Variants in TRIM9 observed in about 807,000 individuals in gnomAD.
TRIM9 encodes the protein tripartite motif containing 9, also known as E3 ubiquitin-protein ligase TRIM9.
TRIM9 carries 26 observed loss-of-function variants against 78.3 expected under a neutral mutation model. That is an observed-to-expected ratio of 0.33 (90% CI 0.24 to 0.46). The LOEUF (loss-of-function observed/expected upper bound fraction) is 0.46, where lower values mean the gene tolerates loss of function less well. Among genes scored for constraint, TRIM9 ranks in the 20% least tolerant of loss-of-function variants. The pLI is 1.00. For synonymous variants in TRIM9, 398 were observed against 416.5 expected (o/e 0.96, Z 0.54); for missense variants, 787 against 1,036.4 (o/e 0.76, Z 3.30).
intron 7 of TRIM9, among the ~76,000 whole-genome samples, chr14:50,994,634 T>C (rs139447018): frequency 5.3e-5 from 8 of 152,338 alleles, no homozygotes; most frequent in African/African-American, 1.9e-4. Flanking sequence ...CAGCCCTGTA[T>C]GATTTTTTAA....
chr14:51,033,180 C>G (rs1336312236), intron 1 of TRIM9, among the ~76,000 whole-genome samples: 1 of 152,168 alleles, frequency 6.6e-6, no homozygotes, highest in East Asian at 1.9e-4. Context: ...ACCTCCACCT[C>G]CCGGGTTCAA....
rs566668873 is a variant in TRIM9 at position 51,082,322 on chromosome 14, T to C, written c.822+11796A>G. ...TATATGAATGTTCATAACAGCATTA[T>C]TAGTAATAGCCAAAAAGTGGAAGTA... is the stretch of plus-strand genomic sequence containing the variant. On this transcript the variant is annotated intron_variant, in intron 1 of 12. Coordinates refer to ENST00000684578, the MANE Select transcript of TRIM9 (RefSeq NM_001387360.1). Among the ~76,000 whole-genome samples, 192 of 152,312 alleles carry C rather than the reference T, an allele frequency of 1.3e-3. 1 individual carries two copies. Among genetic ancestry groups the C allele is most frequent in the African/African-American group, 4.4e-3 (182 of 41,560 alleles).
At chr14:50,988,636 C>T (rs1460269985) in intron 7 of TRIM9, among the ~76,000 whole-genome samples, 1 of 149,296 alleles carries the variant, frequency 6.7e-6, no homozygotes, top group Non-Finnish European at 1.5e-5. Flanking sequence ...ACCAGCTGGG[C>T]TTTTACCGTA....
chr14:51,043,663 GAT>G (rs915853586), intron 1 of TRIM9, among the ~76,000 whole-genome samples: 3 of 152,158 alleles, frequency 2.0e-5, no homozygotes, highest in Non-Finnish European at 2.9e-5. Flanking sequence ...CTTTCTATGG[GAT>G]ATGCACAGAG....
intron 1 of TRIM9, among the ~76,000 whole-genome samples, chr14:51,066,876 A>C (rs1197596353): frequency 6.6e-6 from 1 of 152,218 alleles, no homozygotes; most frequent in East Asian, 1.9e-4. Flanking sequence ...AGACTTAGCT[A>C]TTTATTACAA....
At chr14:51,008,029 A>G (rs2056063599) in intron 5 of TRIM9, among the ~76,000 whole-genome samples, 1 of 152,224 alleles carries the variant, frequency 6.6e-6, no homozygotes, top group African/African-American at 2.4e-5. Context: ...GTCATTTACT[A>G]TATGGATGCT....
At chr14:51,062,938 G>A (rs377665073) in intron 1 of TRIM9, among the ~76,000 whole-genome samples, 24 of 152,274 alleles carry the variant, frequency 1.6e-4, no homozygotes, top group East Asian at 1.4e-3. Context: ...AAAGTAGAAT[G>A]CTAAGCCACA....
At chr14:51,083,015 T>C (rs761928596) in intron 1 of TRIM9, among the ~76,000 whole-genome samples, 1 of 152,172 alleles carries the variant, frequency 6.6e-6, no homozygotes, top group Non-Finnish European at 1.5e-5. Flanking sequence ...ATGAGAATAG[T>C]AATGGTTCTT....
intron 1 of TRIM9, among the ~76,000 whole-genome samples, chr14:51,069,027 G>A (rs1382263571): frequency 6.6e-6 from 1 of 152,144 alleles, no homozygotes; most frequent in Non-Finnish European, 1.5e-5. Flanking sequence ...TGCCAGTTAG[G>A]AGATTATTTC....
intron 5 of TRIM9, among the ~76,000 whole-genome samples, chr14:51,006,358 A>G (rs2055797112): frequency 6.6e-6 from 1 of 152,224 alleles, no homozygotes; most frequent in Non-Finnish European, 1.5e-5. Flanking sequence ...TTAAACTGAC[A>G]AAGAATATCT....
intron 1 of TRIM9, among the ~76,000 whole-genome samples, chr14:51,053,462 G>A (rs2140097444): frequency 7.0e-6 from 1 of 143,316 alleles, no homozygotes; most frequent in South Asian, 2.2e-4. Context: ...CTCTGAGAAT[G>A]TCTCAGACAC....
intron 1 of TRIM9, among the ~76,000 whole-genome samples, chr14:51,025,889 G>A (rs1255745641): frequency 6.6e-6 from 1 of 152,088 alleles, no homozygotes; most frequent in Non-Finnish European, 1.5e-5. Context: ...CCTCATCCGT[G>A]TCCTCTTCCT....
At chr14:50,993,808 C>T (rs762909329) in intron 7 of TRIM9, among the ~76,000 whole-genome samples, 14 of 152,130 alleles carry the variant, frequency 9.2e-5, no homozygotes, top group Non-Finnish European at 1.6e-4. Flanking sequence ...AGCACCACAG[C>T]GGACTGTGCT....
intron 1 of TRIM9, among the ~76,000 whole-genome samples, chr14:51,030,136 G>C (rs2139855332): frequency 6.6e-6 from 1 of 152,310 alleles, no homozygotes; most frequent in South Asian, 2.1e-4. Flanking sequence ...AGAAGCTTTG[G>C]ATTCAGGTCC....
intron 5 of TRIM9, among the ~76,000 whole-genome samples, chr14:51,007,317 C>T (rs1490813135): frequency 6.6e-6 from 1 of 152,076 alleles, no homozygotes; most frequent in African/African-American, 2.4e-5. Flanking sequence ...ATCTGGGGCT[C>T]TATATTTTAT....
chr14:51,093,083 G>A (rs959867530), intron 1 of TRIM9, among the ~76,000 whole-genome samples: 1 of 152,144 alleles, frequency 6.6e-6, no homozygotes, highest in Non-Finnish European at 1.5e-5. Flanking sequence ...AGCAGAGGGA[G>A]TAAGTGGGAG....
intron 1 of TRIM9, among the ~76,000 whole-genome samples, chr14:51,093,424 A>T (rs578204376): frequency 6.6e-5 from 10 of 152,344 alleles, no homozygotes; most frequent in Admixed American, 2.6e-4. Context: ...TCCGGTCCTG[A>T]CACTCTAGTC....
chr14:51,068,639 C>A (rs949053290), intron 1 of TRIM9, among the ~76,000 whole-genome samples: 9 of 152,134 alleles, frequency 5.9e-5, no homozygotes, highest in African/African-American at 2.2e-4. Flanking sequence ...GTGTGCATAC[C>A]TTGGAGCCTA....
chr14:51,034,511 G>A (rs1219643126), intron 1 of TRIM9, among the ~76,000 whole-genome samples: 1 of 152,176 alleles, frequency 6.6e-6, no homozygotes, highest in Non-Finnish European at 1.5e-5. Flanking sequence ...TTCAGCAGGA[G>A]TGTGCATTGG....
Sources: allele counts gnomAD v4.1 joint callset (sites outside exome capture counted in the v4.1 genomes callset), GRCh38; gene constraint gnomAD v4.1.1; transcripts MANE v1.5; gene names NCBI Gene and HGNC (gene_info 2026-07-23, HGNC 2026-07-21).